GPC5: variants seen among roughly 807,000 people sequenced by gnomAD.
GPC5 encodes the protein glypican 5, also known as glypican-5.
In GPC5, 47 loss-of-function variants were observed where a neutral mutation model predicts 53.9. The ratio of observed to expected loss-of-function variants is 0.87; its 90% CI spans 0.69 to 1.11. GPC5 has a LOEUF of 1.11. GPC5 is among the 50% of genes most tolerant of loss of function. The pLI is 0.00. For synonymous variants in GPC5, 286 were observed against 263.3 expected (o/e 1.09, Z -0.84); for missense variants, 748 against 713.1 (o/e 1.05, Z -0.56).
intron 2 of GPC5, among the ~76,000 whole-genome samples, chr13:91,534,923 C>G (rs945474579): frequency 1.3e-5 from 2 of 152,120 alleles, no homozygotes; most frequent in African/African-American, 4.8e-5. Context: ...CCAGGATGCT[C>G]TTTTATAAGT....
chr13:92,091,688 T>C (rs2041381995), intron 6 of GPC5, among the ~76,000 whole-genome samples: 1 of 151,626 alleles, frequency 6.6e-6, no homozygotes, highest in South Asian at 2.1e-4. Context: ...AGTCATTCTG[T>C]ATTTTGTCAA....
intron 6 of GPC5, among the ~76,000 whole-genome samples, chr13:91,911,459 G>A (rs565678741): frequency 1.3e-5 from 2 of 152,150 alleles, no homozygotes; most frequent in South Asian, 2.1e-4. Context: ...CAGGAGAATC[G>A]CTTGAACCCA....
chr13:92,034,725 G>T (rs1386203789), intron 6 of GPC5, among the ~76,000 whole-genome samples: 3 of 152,044 alleles, frequency 2.0e-5, no homozygotes, highest in Admixed American at 2.0e-4. Context: ...GATGATGAGT[G>T]TTGATTTTTA....
At position 92,196,058 on chromosome 13, in the gene GPC5, A is replaced by G. The variant is rs552445355; in HGVS notation, c.1561+51069A>G. ...GGCGCTCAGGGCAAAGTGGAAGCAC[A>G]GCGGAAAACTAATTAAAGTTAATTT... On this transcript the variant is annotated intron_variant, in intron 7 of 7. Coordinates refer to ENST00000377067, the MANE Select transcript of GPC5 (RefSeq NM_004466.6). Among the ~76,000 whole-genome samples, 13 of 152,348 alleles carry G rather than the reference A, an allele frequency of 8.5e-5. No individual in the cohort carries two copies. In the South Asian group the frequency reaches 2.7e-3, roughly 32 times the overall value.
chr13:92,752,660 G>C (rs1268985234), intron 7 of GPC5, among the ~76,000 whole-genome samples: 2 of 152,146 alleles, frequency 1.3e-5, no homozygotes, highest in Non-Finnish European at 2.9e-5. Flanking sequence ...AGCAGGGTGA[G>C]GCATTGCCTC....
At chr13:91,701,045 T>G (rs1594450116) in intron 3 of GPC5, among the ~76,000 whole-genome samples, 3 of 152,334 alleles carry the variant, frequency 2.0e-5, no homozygotes, top group Middle Eastern at 6.8e-3. Context: ...CATAAACTCA[T>G]GTGTATGTCT....
intron 2 of GPC5, among the ~76,000 whole-genome samples, chr13:91,453,916 C>G (rs1881363602): frequency 1.3e-5 from 2 of 151,998 alleles, no homozygotes; most frequent in South Asian, 4.1e-4. Flanking sequence ...ATCCATTATA[C>G]TTTTACTGGA....
At chr13:91,722,202 A>C in intron 3 of GPC5, among the ~76,000 whole-genome samples, 1 of 152,254 alleles carries the variant, frequency 6.6e-6, no homozygotes, top group Admixed American at 6.5e-5. Context: ...ATCCTTGGTC[A>C]ATTCTCAGTA....
intron 2 of GPC5, among the ~76,000 whole-genome samples, chr13:91,636,243 G>A (rs954117407): frequency 6.6e-6 from 1 of 151,928 alleles, no homozygotes; most frequent in Non-Finnish European, 1.5e-5. Flanking sequence ...TAATGAAATG[G>A]CACAGATATG....
At chr13:92,190,192 A>G (rs1431260653) in intron 7 of GPC5, among the ~76,000 whole-genome samples, 1 of 151,502 alleles carries the variant, frequency 6.6e-6, no homozygotes, top group East Asian at 1.9e-4. Context: ...CAAAGTGTTG[A>G]GAGAGAAAAA....
chr13:92,187,175 C>G (rs1228895298), intron 7 of GPC5, among the ~76,000 whole-genome samples: 1 of 152,044 alleles, frequency 6.6e-6, no homozygotes, highest in Non-Finnish European at 1.5e-5. Flanking sequence ...CTCAATGTAA[C>G]CTGTATTTAC....
intron 7 of GPC5, among the ~76,000 whole-genome samples, chr13:92,478,401 T>G (rs9589562): frequency 0.024 from 3,691 of 152,242 alleles, 82 homozygotes; most frequent in African/African-American, 0.054. Flanking sequence ...ATTTAGAAAT[T>G]TACATATATG....
chr13:92,841,328 A>G (rs977914871), intron 7 of GPC5, among the ~76,000 whole-genome samples: 10 of 152,168 alleles, frequency 6.6e-5, no homozygotes, highest in Admixed American at 3.9e-4. Flanking sequence ...GAAGAAATAA[A>G]GAGAATCTTT....
chr13:92,286,719 A>T (rs184088930), intron 7 of GPC5, among the ~76,000 whole-genome samples: 1 of 123,342 alleles, frequency 8.1e-6, no homozygotes, highest in African/African-American at 3.0e-5. Context: ...GGAACATCAC[A>T]CACTGGGGCC....
Position 91,666,874 on chromosome 13 carries a change from T to C in GPC5, c.326-26313T>C, listed in dbSNP as rs200765456. On this transcript the variant is annotated intron_variant, in intron 2 of 7. Transcript: ENST00000377067. ...TTTATTCCACAGCCTTTTGGAATTT[T>C]TTAGGTATAGAATCACATAATTAAA... Among the ~76,000 whole-genome samples the C allele has an allele frequency of 3.9e-5, 6 of 152,222 alleles. No individual in the cohort carries two copies. The East Asian group carries it at 1.2e-3, about 29-fold the overall frequency.
chr13:92,237,619 T>G (rs2042580003), intron 7 of GPC5, among the ~76,000 whole-genome samples: 1 of 152,196 alleles, frequency 6.6e-6, no homozygotes, highest in African/African-American at 2.4e-5. Context: ...CTTGTATTTC[T>G]TGTGTAGGTG....
rs530395654 is a variant in GPC5 at position 92,092,313 on chromosome 13, T to C, written c.1402-52517T>C. Among the ~76,000 whole-genome samples the C allele has an allele frequency of 7.9e-5, 12 of 152,340 alleles. 1 individual carries two copies. The highest frequency in any genetic ancestry group is 2.9e-4 in the African/African-American group (12 of 41,602). ...TCCTAAAATAAAGTAAATCATGAGT[T>C]ATTTTCTAGACAAATTTGATAAGGC... On this transcript the variant is annotated intron_variant, in intron 6 of 7. Coordinates refer to ENST00000377067, the MANE Select transcript of GPC5 (RefSeq NM_004466.6).
intron 5 of GPC5, among the ~76,000 whole-genome samples, chr13:91,815,846 G>T (rs1010502437): frequency 6.6e-6 from 1 of 152,016 alleles, no homozygotes; most frequent in African/African-American, 2.4e-5. Context: ...AAATGAAGTG[G>T]CCTCTTTCTC....
chr13:91,820,620 T>C (rs533234305), intron 5 of GPC5, among the ~76,000 whole-genome samples: 6 of 152,322 alleles, frequency 3.9e-5, no homozygotes, highest in Admixed American at 3.9e-4. Context: ...TGCTAATCAG[T>C]AGAAACTTAT....
Sources: gnomAD v4.1 joint callset for allele counts (sites outside exome capture counted in the v4.1 genomes callset) on GRCh38, gnomAD v4.1.1 for gene constraint, MANE v1.5 for transcripts, NCBI Gene and HGNC (gene_info 2026-07-23, HGNC 2026-07-21) for gene names.